CRISP1: variants seen among roughly 807,000 people sequenced by gnomAD.
The protein encoded by CRISP1 is cysteine-rich secretory protein 1.
Under a neutral mutation model 33.1 loss-of-function variants are expected in CRISP1, and 44 were observed. That is an observed-to-expected ratio of 1.33 (90% CI 1.05 to 1.71). CRISP1 has a LOEUF of 1.71. CRISP1 is among the 40% of genes most tolerant of loss of function. The pLI is 0.00. For synonymous variants in CRISP1, 103 were observed against 98.7 expected (o/e 1.04, Z -0.26); for missense variants, 390 against 301.2 (o/e 1.29, Z -2.18).
At chr6:49,845,681 T>C (rs962658419) in intron 5 of CRISP1, among the ~76,000 whole-genome samples, 4 of 146,608 alleles carry the variant, frequency 2.7e-5, no homozygotes, top group Admixed American at 1.4e-4. Context: ...CACACCAATA[T>C]TTAAAGCAGT....
In CRISP1 at chr6:49,862,456, T is replaced by C. The variant is rs1261881334; in HGVS notation, c.-3+3973A>G. Among the ~76,000 whole-genome samples the C allele has an allele frequency of 2.0e-5, 3 of 152,154 alleles. No individual in the cohort carries two copies. The South Asian group carries it at 6.2e-4, about 32-fold the overall frequency. On this transcript the variant is annotated intron_variant, in intron 1 of 7. Coordinates refer to ENST00000335847, the MANE Select transcript of CRISP1 (RefSeq NM_001131.3). ...TCTGCATATTTTACATATAGTTTTT[T>C]TTGTCAAAAGTGTGTGAAAAAATTC...
At chr6:49,847,975 G>C (rs1360387031) in intron 4 of CRISP1, among the ~76,000 whole-genome samples, 1 of 152,060 alleles carries the variant, frequency 6.6e-6, no homozygotes, top group African/African-American at 2.4e-5. Context: ...CTGATGGTCA[G>C]AACTTGGAAT....
intron 3 of CRISP1, among the ~76,000 whole-genome samples, chr6:49,850,411 G>A (rs988149110): frequency 3.3e-5 from 5 of 151,984 alleles, no homozygotes; most frequent in Non-Finnish European, 5.9e-5. Context: ...TAAAATTAAA[G>A]TTTGTATTTA....
chr6:49,874,659 A>C (rs1771997979), intron 1 of CRISP1, among the ~76,000 whole-genome samples: 1 of 152,118 alleles, frequency 6.6e-6, no homozygotes, highest in Non-Finnish European at 1.5e-5. Flanking sequence ...ATCCTCAATA[A>C]AATACTGGCA....
intron 1 of CRISP1, chr6:49,876,976 C>A (rs1772050296): frequency 6.6e-6 from 1 of 151,732 alleles, no homozygotes; most frequent in African/African-American, 2.4e-5. Flanking sequence ...GTGCAGCAAA[C>A]CACCATGGCA....
rs561377947 is a variant in CRISP1 at position 49,838,584 on chromosome 6, T to G, written c.534-59A>C. 4 of 1,325,318 alleles carry G rather than the reference T, an allele frequency of 3.0e-6. No homozygotes were observed. The East Asian group carries it at 9.3e-5, about 31-fold the overall frequency. 82.1% of individuals were successfully genotyped at this position (1,325,318 alleles called of 1,614,324 possible). ...TCTTTGAAAAACTCACATAAAACTT[T>G]ACTCACAGTGTACAACCAATTTTAA... On this transcript the variant is annotated intron_variant, in intron 6 of 7. Coordinates refer to ENST00000335847, the MANE Select transcript of CRISP1 (RefSeq NM_001131.3).
At chr6:49,872,150 C>G (rs1333686715) in intron 1 of CRISP1, among the ~76,000 whole-genome samples, 8 of 152,138 alleles carry the variant, frequency 5.3e-5, no homozygotes, top group East Asian at 3.8e-4. Flanking sequence ...CTGATGGCCA[C>G]TGATGATGAG....
chr6:49,871,114 C>T (rs1440106735), upstream of CRISP1, among the ~76,000 whole-genome samples: 1 of 72,566 alleles, frequency 1.4e-5, no homozygotes, highest in Non-Finnish European at 2.6e-5. Flanking sequence ...AAAACAAAAA[C>T]AAAAACAAAA....
At chr6:49,855,608 C>T (rs748618109) in intron 2 of CRISP1, among the ~76,000 whole-genome samples, 15 of 152,108 alleles carry the variant, frequency 9.9e-5, no homozygotes, top group Admixed American at 2.6e-4. Flanking sequence ...AACTCAGAGA[C>T]GATTCAGCCT....
At chr6:49,862,335 C>A (rs1771675607) in intron 1 of CRISP1, among the ~76,000 whole-genome samples, 1 of 151,918 alleles carries the variant, frequency 6.6e-6, no homozygotes, top group Non-Finnish European at 1.5e-5. Flanking sequence ...TTGAAAAGGA[C>A]ACAAAAATTA....
intron 1 of CRISP1, among the ~76,000 whole-genome samples, chr6:49,861,383 T>G (rs1328943506): frequency 6.6e-6 from 1 of 152,102 alleles, no homozygotes; most frequent in African/African-American, 2.4e-5. Context: ...ACATGTAAGA[T>G]ATAATGCACC....
chr6:49,870,267 A>T (rs923968136), upstream of CRISP1, among the ~76,000 whole-genome samples: 1 of 152,198 alleles, frequency 6.6e-6, no homozygotes, highest in Non-Finnish European at 1.5e-5. Context: ...GGATGCCAAC[A>T]CAAAAAGATG....
intron 5 of CRISP1, among the ~76,000 whole-genome samples, chr6:49,843,522 A>G (rs1206036509): frequency 6.6e-6 from 1 of 152,234 alleles, no homozygotes; most frequent in Admixed American, 6.5e-5. Flanking sequence ...GAATCCTCTC[A>G]AGAAACTAAC....
chr6:49,871,668 T>A (rs1174669456), intron 1 of CRISP1, among the ~76,000 whole-genome samples: 1 of 151,222 alleles, frequency 6.6e-6, no homozygotes, highest in Non-Finnish European at 1.5e-5. Context: ...TTTGTCCTTG[T>A]GATAGTTTGC....
chr6:49,868,182 A>T (rs1237367362), upstream of CRISP1, among the ~76,000 whole-genome samples: 1 of 152,138 alleles, frequency 6.6e-6, no homozygotes, highest in Non-Finnish European at 1.5e-5. Context: ...AGAATTTGGG[A>T]AGTGTTGGAA....
chr6:49,848,046 G>C (rs1035222669), intron 4 of CRISP1, among the ~76,000 whole-genome samples, 163 bp downstream of exon 4: 1 of 152,046 alleles, frequency 6.6e-6, no homozygotes, highest in Non-Finnish European at 1.5e-5. Context: ...AAATTAATGA[G>C]TTAAAACAGT....
At chr6:49,843,187 A>G (rs919119122) in intron 5 of CRISP1, among the ~76,000 whole-genome samples, 11 of 152,166 alleles carry the variant, frequency 7.2e-5, no homozygotes, top group Non-Finnish European at 1.6e-4. Context: ...CTAGATATTT[A>G]TTGTATTTTT....
intron 1 of CRISP1, among the ~76,000 whole-genome samples, chr6:49,864,824 G>C (rs551653700): frequency 4.5e-4 from 68 of 152,086 alleles, no homozygotes; most frequent in Non-Finnish European, 8.7e-4. Flanking sequence ...AATGTTTTAC[G>C]AATACCTTCC....
intron 5 of CRISP1, among the ~76,000 whole-genome samples, chr6:49,845,985 A>T (rs1370056601): frequency 6.6e-6 from 1 of 152,140 alleles, no homozygotes; most frequent in Non-Finnish European, 1.5e-5. Flanking sequence ...CTGGGGAAGT[A>T]GGGAGAGGAA....
Sources: gnomAD v4.1 joint callset for allele counts (sites outside exome capture counted in the v4.1 genomes callset) on GRCh38, gnomAD v4.1.1 for gene constraint, MANE v1.5 for transcripts, NCBI Gene and HGNC (gene_info 2026-07-23, HGNC 2026-07-21) for gene names.